LPP: variants seen among roughly 807,000 people sequenced by gnomAD.
LPP encodes lipoma-preferred partner.
LPP carries 38 observed loss-of-function variants against 60.4 expected under a neutral mutation model. The observed-to-expected ratio is 0.63, with a 90% CI of 0.49 to 0.83. LPP has a LOEUF of 0.83. Ranked by LOEUF, LPP falls within the 40% of genes least tolerant of loss-of-function variation. The probability of loss-of-function intolerance (pLI) is 0.00; values close to 1 mark genes in which losing one functional copy is unlikely to be tolerated. For synonymous variants in LPP, 328 were observed against 290.8 expected (o/e 1.13, Z -1.30); for missense variants, 902 against 783.6 (o/e 1.15, Z -1.80).
intron 9 of LPP, among the ~76,000 whole-genome samples, chr3:188,779,883 A>G (rs987798126): frequency 2.6e-5 from 4 of 152,160 alleles, no homozygotes; most frequent in African/African-American, 9.6e-5. Flanking sequence ...TGTTTTGGCT[A>G]ACTTCTAGTT....
At chr3:188,361,316 C>T (rs75880105) in intron 3 of LPP, among the ~76,000 whole-genome samples, 6,947 of 151,980 alleles carry the variant, frequency 0.046, 263 homozygotes, top group East Asian at 0.21. Context: ...TTATAGGGGT[C>T]GTAGGGTGTT....
intron 5 of LPP, among the ~76,000 whole-genome samples, chr3:188,520,310 C>CA (rs1818522157): frequency 6.6e-6 from 1 of 152,216 alleles, no homozygotes; most frequent in South Asian, 2.1e-4. Context: ...CCTTCGTGTA[C>CA]CAGCAGCTGC....
In LPP at chr3:188,457,449, A is replaced by G. The variant is rs532047257; in HGVS notation, c.194-27143A>G. 3.9e-5 allele frequency among the ~76,000 whole-genome samples: 6 copies of G among 152,262 alleles called. No homozygotes were observed. The East Asian group carries it at 1.2e-3, about 29-fold the overall frequency. On this transcript the variant is annotated intron_variant, in intron 4 of 11. Coordinates refer to ENST00000617246, the MANE Select transcript of LPP (RefSeq NM_001375462.1). ...TTGAAAGAAAGGAAAATCCATTAAAATTAGAATTTGTCTAGGAAGCATCTC... is the reference window on the plus strand; with the variant it reads ...TTGAAAGAAAGGAAAATCCATTAAAGTTAGAATTTGTCTAGGAAGCATCTC...
rs150338253 is a variant in LPP, at chr3:188,764,793, C to G, written c.1410+4511C>G. 5.1e-4 allele frequency among the ~76,000 whole-genome samples: 77 copies of G among 152,304 alleles called. 1 individual carries two copies. The highest frequency in any genetic ancestry group is 1.8e-3 in the African/African-American group (74 of 41,574). On this transcript the variant is annotated intron_variant, in intron 9 of 11. Transcript: ENST00000617246. ...GAAGTGGCAGCCAAGGATCCTCCCC[C>G]AAACCAGTGCTTTTATTCCCAGTGG...
intron 4 of LPP, among the ~76,000 whole-genome samples, chr3:188,470,443 TACCC>T (rs10542446): frequency 0.16 from 24,401 of 151,958 alleles, 2,214 homozygotes; most frequent in East Asian, 0.27. Flanking sequence ...TTCCTGCATA[TACCC>T]ACTCAGGAAA....
chr3:188,668,413 G>A (rs988810206), intron 7 of LPP, among the ~76,000 whole-genome samples: 1 of 152,106 alleles, frequency 6.6e-6, no homozygotes, highest in East Asian at 1.9e-4. Context: ...GTTCTAAACC[G>A]CTCTCTGGAA....
intron 6 of LPP, among the ~76,000 whole-genome samples, chr3:188,542,974 T>A (rs1825617282): frequency 6.6e-6 from 1 of 152,174 alleles, no homozygotes; most frequent in Admixed American, 6.5e-5. Flanking sequence ...GAACAGAGTA[T>A]CCCCATTTAT....
intron 3 of LPP, among the ~76,000 whole-genome samples, chr3:188,371,158 G>A (rs1170156961): frequency 6.6e-6 from 1 of 151,964 alleles, no homozygotes; most frequent in Non-Finnish European, 1.5e-5. Context: ...TTCATGGAGG[G>A]TTACTGGTAA....
intron 3 of LPP, among the ~76,000 whole-genome samples, chr3:188,361,775 C>G (rs1034981821): frequency 6.6e-6 from 1 of 152,022 alleles, no homozygotes; most frequent in African/African-American, 2.4e-5. Context: ...GCCATGTTGG[C>G]CAGGCTGGTC....
Position 188,744,975 on chromosome 3 carries a change from G to A in LPP, c.1241-15138G>A, listed in dbSNP as rs183823172. 4.1e-4 allele frequency among the ~76,000 whole-genome samples: 62 copies of A among 152,134 alleles called. No individual in the cohort carries two copies. The East Asian group carries it at 0.011, about 28-fold the overall frequency. ...TGTTAATTGGCTTTTCCTTTACTTA[G>A]AATGCTTTCCCCCTTCCTGCTTTTT... On this transcript the variant is annotated intron_variant, in intron 8 of 11. Transcript: ENST00000617246.
At chr3:188,702,402 CT>C (rs909279640) in intron 7 of LPP, among the ~76,000 whole-genome samples, 1 of 144,670 alleles carries the variant, frequency 6.9e-6, no homozygotes, top group East Asian at 2.1e-4. Context: ...TACAGGTCAT[CT>C]TTTTTTGGCA....
chr3:188,752,832 C>T (rs552890096), intron 8 of LPP, among the ~76,000 whole-genome samples: 1 of 152,316 alleles, frequency 6.6e-6, no homozygotes, highest in South Asian at 2.1e-4. Flanking sequence ...TTCTCAAACT[C>T]ACATTCCTGA....
intron 9 of LPP, among the ~76,000 whole-genome samples, chr3:188,825,060 A>G (rs978557234): frequency 6.6e-6 from 1 of 152,198 alleles, no homozygotes; most frequent in African/African-American, 2.4e-5. Context: ...TGGTTATCCC[A>G]ACACATTCTA....
chr3:188,338,589 C>A (rs1002934993), intron 2 of LPP, among the ~76,000 whole-genome samples: 6 of 152,102 alleles, frequency 3.9e-5, no homozygotes, highest in African/African-American at 1.2e-4. Context: ...TTGATAATTA[C>A]AGCACTAAAA....
chr3:188,623,067 C>T (rs1846112372), intron 7 of LPP, among the ~76,000 whole-genome samples: 1 of 124,624 alleles, frequency 8.0e-6, no homozygotes, highest in Admixed American at 8.5e-5. Flanking sequence ...AACATCTTCA[C>T]TTTTTAAGGA....
At chr3:188,832,485 C>T (rs1248403078) in intron 9 of LPP, among the ~76,000 whole-genome samples, 2 of 152,142 alleles carry the variant, frequency 1.3e-5, no homozygotes, top group South Asian at 2.1e-4. Flanking sequence ...TGTAAGACTC[C>T]GAGTGGAGGA....
At chr3:188,330,837 CAGTAAGTA>C (rs1182719133) in intron 2 of LPP, among the ~76,000 whole-genome samples, 3 of 137,132 alleles carry the variant, frequency 2.2e-5, no homozygotes, top group Non-Finnish European at 4.6e-5. Context: ...GTCAGTCAGT[CAGTAAGTA>C]AGTAAGTAAG....
At chr3:188,289,471 T>C (rs1745212214) in intron 2 of LPP, among the ~76,000 whole-genome samples, 2 of 152,226 alleles carry the variant, frequency 1.3e-5, no homozygotes, top group African/African-American at 2.4e-5. Flanking sequence ...GTATTTTACA[T>C]ACATCATCTC....
intron 3 of LPP, among the ~76,000 whole-genome samples, chr3:188,398,416 C>T (rs1476390395): frequency 1.3e-5 from 2 of 152,220 alleles, no homozygotes; most frequent in Non-Finnish European, 2.9e-5. Context: ...TTCCAAATGT[C>T]TCTCAGATAG....
Sources: gnomAD v4.1 joint callset for allele counts (sites outside exome capture counted in the v4.1 genomes callset) on GRCh38, gnomAD v4.1.1 for gene constraint, MANE v1.5 for transcripts, NCBI Gene and HGNC (gene_info 2026-07-23, HGNC 2026-07-21) for gene names.